The following SRPK2 variants were observed in gnomAD, a reference collection of about 807,000 sequenced individuals.
SRPK2 encodes SRSF protein kinase 2, also known as SFRS protein kinase 2.
In SRPK2, 21 loss-of-function variants were observed where a neutral mutation model predicts 90.8. That is an observed-to-expected ratio of 0.23 (90% confidence interval 0.16 to 0.33). SRPK2 has a LOEUF of 0.33. Among genes scored for constraint, SRPK2 ranks in the 10% least tolerant of loss-of-function variants. The pLI, the probability that SRPK2 is intolerant of heterozygous loss-of-function variation, is 1.00. For synonymous variants in SRPK2, 288 were observed against 311.1 expected (o/e 0.93, Z 0.78); for missense variants, 620 against 869.0 (o/e 0.71, Z 3.60).
At chr7:105,346,532 G>A (rs866717985) in intron 2 of SRPK2, among the ~76,000 whole-genome samples, 8 of 152,098 alleles carry the variant, frequency 5.3e-5, no homozygotes, top group African/African-American at 1.9e-4. Flanking sequence ...AAGGCGGGCG[G>A]ATCACGAGGT....
At chr7:105,336,964 G>A (rs1164697954) in intron 2 of SRPK2, among the ~76,000 whole-genome samples, 1 of 151,958 alleles carries the variant, frequency 6.6e-6, no homozygotes, top group East Asian at 1.9e-4. Flanking sequence ...ACCACACCTA[G>A]CTAATATTTG....
chr7:105,337,505 GGGTTTCA>G (rs1815245719), intron 2 of SRPK2, among the ~76,000 whole-genome samples: 2 of 151,694 alleles, frequency 1.3e-5, no homozygotes, highest in African/African-American at 4.8e-5. Context: ...AGTAGAGACA[GGGTTTCA>G]CCATGTTGGC....
At chr7:105,190,634 A>T (rs903673348) in intron 3 of SRPK2, among the ~76,000 whole-genome samples, 2 of 152,144 alleles carry the variant, frequency 1.3e-5, no homozygotes, top group African/African-American at 4.8e-5. Context: ...CCCAAAGACC[A>T]TCCTCACGTT....
chr7:105,323,653 C>T (rs1813191832), intron 2 of SRPK2, among the ~76,000 whole-genome samples: 4 of 152,176 alleles, frequency 2.6e-5, no homozygotes, highest in Admixed American at 2.0e-4. Flanking sequence ...GTACTAGATG[C>T]TACATGCTAA....
At chr7:105,397,774 G>A (rs1378905549) in intron 1 of SRPK2, among the ~76,000 whole-genome samples, 3 of 152,012 alleles carry the variant, frequency 2.0e-5, no homozygotes, top group Admixed American at 1.3e-4. Flanking sequence ...CTTCCGAGTA[G>A]CTGGGATTAC....
At chr7:105,289,862 G>A (rs1808721197) in intron 2 of SRPK2, among the ~76,000 whole-genome samples, 1 of 152,096 alleles carries the variant, frequency 6.6e-6, no homozygotes, top group Non-Finnish European at 1.5e-5. Flanking sequence ...TTGATTTAAA[G>A]TGTGAGATGT....
upstream of SRPK2, among the ~76,000 whole-genome samples, chr7:105,389,773 T>A (rs146037639): frequency 9.2e-4 from 140 of 152,290 alleles, no homozygotes; most frequent in African/African-American, 3.2e-3. Flanking sequence ...AAGTTGATAG[T>A]GACACAAAAA....
chr7:105,350,943 T>G (rs933072958), intron 2 of SRPK2, among the ~76,000 whole-genome samples: 1 of 152,168 alleles, frequency 6.6e-6, no homozygotes, highest in African/African-American at 2.4e-5. Flanking sequence ...TTACAGAGCC[T>G]ATCTTACGCG....
chr7:105,190,524 A>G (rs1794148193), intron 3 of SRPK2, among the ~76,000 whole-genome samples: 1 of 152,004 alleles, frequency 6.6e-6, no homozygotes, highest in Non-Finnish European at 1.5e-5. Context: ...TTACCATTAT[A>G]TGATCTGTTT....
chr7:105,377,977 A>G (rs1331443421), intron 2 of SRPK2, among the ~76,000 whole-genome samples: 2 of 152,034 alleles, frequency 1.3e-5, no homozygotes, highest in Non-Finnish European at 2.9e-5. Context: ...CTCCCCACAC[A>G]ATAGCTAAAG....
intron 2 of SRPK2, among the ~76,000 whole-genome samples, chr7:105,349,253 T>G (rs1816860374): frequency 6.6e-6 from 1 of 150,488 alleles, no homozygotes; most frequent in African/African-American, 2.5e-5. Flanking sequence ...CCAAGCATGG[T>G]GGCTCACGCC....
At chr7:105,251,500 T>G (rs1390576398) in intron 2 of SRPK2, among the ~76,000 whole-genome samples, 1 of 152,152 alleles carries the variant, frequency 6.6e-6, no homozygotes, top group Non-Finnish European at 1.5e-5. Context: ...CACTGTACCC[T>G]GCCACAAGCA....
chr7:105,378,055 A>G (rs1463339914), intron 2 of SRPK2, among the ~76,000 whole-genome samples: 1 of 151,986 alleles, frequency 6.6e-6, no homozygotes, highest in Non-Finnish European at 1.5e-5. Context: ...ACTTCCTCAG[A>G]GCCCTATTTA....
At chr7:105,343,417 G>C (rs1816059932) in intron 2 of SRPK2, among the ~76,000 whole-genome samples, 1 of 152,140 alleles carries the variant, frequency 6.6e-6, no homozygotes, top group African/African-American at 2.4e-5. Context: ...CTGGGCAATA[G>C]AGCGAGACCC....
intron 7 of SRPK2, among the ~76,000 whole-genome samples, chr7:105,147,507 G>T (rs570661310): frequency 6.6e-6 from 1 of 152,030 alleles, no homozygotes; most frequent in East Asian, 1.9e-4. Flanking sequence ...TTTTAGTAGA[G>T]ACGGGGTTTT....
In SRPK2 at chr7:105,121,868, TTAAA is replaced by T. The variant is rs1293625936; in HGVS notation, c.1916-3850_1916-3847del. On this transcript the variant is annotated intron_variant, in intron 15 of 15. Transcript: ENST00000393651. Reference sequence around the variant, plus strand: ...TCCATGAAATTGTCATATTCCAGAATTAAATAAAGAAGCCCATGAGGTTCCACAC... The same window carrying T: ...TCCATGAAATTGTCATATTCCAGAATTAAAGAAGCCCATGAGGTTCCACAC... Among the ~76,000 whole-genome samples, 5 of 152,322 alleles carry T rather than the reference TTAAA, an allele frequency of 3.3e-5. No homozygotes were observed. In the South Asian group the frequency reaches 8.3e-4, roughly 25 times the overall value.
chr7:105,371,947 T>C (rs1376393658), intron 2 of SRPK2, among the ~76,000 whole-genome samples: 6 of 151,822 alleles, frequency 4.0e-5, no homozygotes, highest in Admixed American at 3.3e-4. Flanking sequence ...ATTCTGGCTA[T>C]CACGGTGAAA....
intron 2 of SRPK2, among the ~76,000 whole-genome samples, chr7:105,217,226 T>TA (rs1346755577): frequency 6.6e-6 from 1 of 152,198 alleles, no homozygotes. Context: ...CATGATTAGT[T>TA]AAGAGATTTC....
intron 3 of SRPK2, among the ~76,000 whole-genome samples, chr7:105,170,991 GAAAGAGAA>G (rs1456845210): frequency 5.7e-5 from 7 of 123,292 alleles, no homozygotes; most frequent in African/African-American, 2.2e-4. Flanking sequence ...AAGAAAGAAA[GAAAGAGAA>G]AGAAAGAAAG....
Sources: allele counts gnomAD v4.1 joint callset (sites outside exome capture counted in the v4.1 genomes callset), GRCh38; gene constraint gnomAD v4.1.1; transcripts MANE v1.5; gene names NCBI Gene and HGNC (gene_info 2026-07-23, HGNC 2026-07-21).